Variants in CEP350 observed in about 807,000 individuals in gnomAD.
CEP350 encodes the protein centrosomal protein 350, also known as centrosome-associated protein 350.
CEP350 carries 126 observed loss-of-function variants against 331.8 expected under a neutral mutation model. The ratio of observed to expected loss-of-function variants is 0.38; its 90% CI spans 0.33 to 0.44. CEP350 has a LOEUF of 0.44. Ranked by LOEUF, CEP350 falls within the 20% of genes least tolerant of loss-of-function variation. The pLI is 1.00. For synonymous variants in CEP350, 1,200 were observed against 1,259.5 expected, an observed-to-expected ratio of 0.95 and a Z score of 1.00; for missense variants, 3,406 against 3,634.6, an observed-to-expected ratio of 0.94 and a Z score of 1.62.
At chr1:180,043,001 T>A in intron 19 of CEP350, 55 bp from the exon 20 acceptor site, 3 of 1,558,870 alleles carry the variant, frequency 1.9e-6, no homozygotes, top group Middle Eastern at 1.7e-4. Flanking sequence ...TCCTTCTCAG[T>A]TCTCTGACCT....
intron 25 of CEP350, among the ~76,000 whole-genome samples, chr1:180,056,725 G>A (rs1657873525): frequency 6.6e-6 from 1 of 152,020 alleles, no homozygotes; most frequent in Admixed American, 6.6e-5. Flanking sequence ...GCCTCCCAGA[G>A]TACTAGGATT....
In CEP350 at chr1:179,996,633, A is replaced by G; in HGVS notation, c.476A>G (p.Glu159Gly). The G allele has an allele frequency of 6.2e-7, 1 of 1,611,904 alleles. No individual in the cohort carries two copies. The highest frequency in any genetic ancestry group is 8.5e-7 in the Non-Finnish European group (1 of 1,178,900). ...KHVYCVDVNEEKTESGNWMIG... is the reference protein window; with the variant it reads ...KHVYCVDVNEGKTESGNWMIG... ...GTATACTGTGTAGATGTTAATGAAG[A>G]AAAGACTGAGAGCGGTAACTGGATG... The change falls in exon 6 of 38, where the codon GAA becomes GGA. Residue 159 changes from glutamate to glycine, a missense_variant. Coordinates refer to ENST00000367607, the MANE Select transcript of CEP350 (RefSeq NM_014810.5).
chr1:179,972,256 C>T (rs1050591948), intron 1 of CEP350, among the ~76,000 whole-genome samples: 1 of 151,828 alleles, frequency 6.6e-6, no homozygotes, highest in African/African-American at 2.4e-5. Flanking sequence ...GTGAGGTCGC[C>T]CAGCGAGAGA....
At chr1:180,031,007 G>A (rs1458129719) in intron 14 of CEP350, among the ~76,000 whole-genome samples, 2 of 151,606 alleles carry the variant, frequency 1.3e-5, no homozygotes, top group African/African-American at 4.8e-5. Context: ...AATTCTTTTT[G>A]GTTACTTTTT....
At chr1:180,033,158 A>T (rs923681748) in intron 15 of CEP350, among the ~76,000 whole-genome samples, 12 of 152,158 alleles carry the variant, frequency 7.9e-5, no homozygotes, top group African/African-American at 2.7e-4. Flanking sequence ...ATTCAGTGCA[A>T]GGCAACATGC....
chr1:180,063,464 A>C (rs1014578295), intron 26 of CEP350, among the ~76,000 whole-genome samples: 2 of 151,784 alleles, frequency 1.3e-5, no homozygotes, highest in Non-Finnish European at 2.9e-5. Flanking sequence ...GAGTGTTAGG[A>C]TTACAGGTGT....
In CEP350 at chr1:180,031,381, T is replaced by A. The variant is rs1656009362; in HGVS notation, c.3612T>A (p.Arg1204=). Residue 1204 remains arginine (R), a synonymous_variant, in exon 15 of 38, where the codon CGT becomes CGA. Transcript: ENST00000367607. ...NSLLDEEKAE[R]GSHQGKKSGT... is the part of the protein sequence containing the mutation. ...TTCTTGATGAGGAAAAAGCAGAACG[T>A]GGCTCCCATCAAGGAAAGAAATCTG... The A allele has an allele frequency of 8.7e-6, 14 of 1,608,742 alleles. No homozygotes were observed. The highest frequency in any genetic ancestry group is 1.2e-5 in the Non-Finnish European group (14 of 1,176,330).
At chr1:180,035,758 A>C (rs1443840833) in intron 16 of CEP350, among the ~76,000 whole-genome samples, 1 of 152,220 alleles carries the variant, frequency 6.6e-6, no homozygotes. Flanking sequence ...CTGGTCATCC[A>C]AGAGCTCTGA....
intron 8 of CEP350, among the ~76,000 whole-genome samples, chr1:180,011,372 C>T (rs931465899): frequency 6.6e-6 from 1 of 152,152 alleles, no homozygotes; most frequent in African/African-American, 2.4e-5. Context: ...GTGCCATGTA[C>T]TGTGCTAGAT....
intron 17 of CEP350, among the ~76,000 whole-genome samples, chr1:180,037,358 T>TCAAA (rs1465357049): frequency 2.6e-5 from 4 of 151,890 alleles, no homozygotes; most frequent in African/African-American, 9.7e-5. Flanking sequence ...AATCATCTAG[T>TCAAA]CAAACATTCT....
chr1:179,966,710 A>C (rs913774832), intron 1 of CEP350, among the ~76,000 whole-genome samples: 3 of 152,222 alleles, frequency 2.0e-5, no homozygotes, highest in Admixed American at 1.3e-4. Flanking sequence ...AACTAGATCC[A>C]AGACAGTTAG....
rs1650063734 is a variant in CEP350, at chr1:179,955,076, C to G, written c.-80C>G. 1 of 1,452,176 alleles carries G rather than the reference C, an allele frequency of 6.9e-7. No homozygotes were observed. The highest frequency in any genetic ancestry group is 2.4e-5 in the Admixed American group (1 of 41,494). The allele number at this position is 1,452,176 out of a possible 1,614,324, so 90.0% of individuals were successfully genotyped here. ...GCCCTGGGGCCGGTCGGGGCGGCGT[C>G]ACTGCACCCTCCGCCAGGCTCCGCG... is the stretch of plus-strand genomic sequence containing the variant. On this transcript the variant is annotated 5_prime_UTR_variant, in exon 1 of 38. Transcript: ENST00000367607.
intron 25 of CEP350, among the ~76,000 whole-genome samples, chr1:180,060,632 G>A (rs1287078448): frequency 1.3e-5 from 2 of 152,126 alleles, no homozygotes; most frequent in African/African-American, 4.8e-5. Flanking sequence ...GGGCAACAGA[G>A]CAAGACCTTG....
chr1:180,041,027 A>T, intron 17 of CEP350, 111 bp from the exon 18 acceptor site: 1 of 750,548 alleles, frequency 1.3e-6, no homozygotes, highest in Non-Finnish European at 2.2e-6. Context: ...TTTTGGTTCT[A>T]ATTAGTTGCT....
Position 180,041,784 on chromosome 1 carries a change from A to G in CEP350, c.4344A>G (p.Ala1448=), listed in dbSNP as rs761465322. 5.6e-6 allele frequency: 9 copies of G among 1,612,462 alleles called. No individual in the cohort carries two copies. The highest frequency in any genetic ancestry group is 1.7e-5 in the Admixed American group (1 of 59,726). ...AAACTGCTCGCCTCACCACAGACGCAGCACGTCAAATCTGTGAGGTAGGTG... is the reference window on the plus strand; with the variant it reads ...AAACTGCTCGCCTCACCACAGACGCGGCACGTCAAATCTGTGAGGTAGGTG... ...QSETARLTTD[A]ARQICEMAEL... The change falls in exon 19 of 38, where the codon GCA becomes GCG. Residue 1448 remains alanine, a synonymous_variant. Coordinates refer to ENST00000367607, the MANE Select transcript of CEP350 (RefSeq NM_014810.5).
chr1:180,003,214 G>A lies in CEP350; in HGVS notation c.1059G>A (p.Gly353=), dbSNP rs189040710. The change falls in exon 7 of 38, where the codon GGG becomes GGA. Residue 353 remains glycine, a synonymous_variant. Transcript: ENST00000367607. ...PSETKIRTPD[G]KVWQEAEFQN... ...AGACCAAGATTCGAACACCTGATGGGAAAGTGTGGCAGGAGGCTGAGTTTC... is the reference window on the plus strand; with the variant it reads ...AGACCAAGATTCGAACACCTGATGGAAAAGTGTGGCAGGAGGCTGAGTTTC... 10 of 1,613,464 alleles carry A rather than the reference G, an allele frequency of 6.2e-6. No individual in the cohort carries two copies. In the Admixed American group the frequency reaches 1.7e-4, roughly 27 times the overall value.
chr1:180,098,751 AT>A (rs1660633976), intron 36 of CEP350, 111 bp from the exon 37 acceptor site: 1 of 871,804 alleles, frequency 1.1e-6, no homozygotes, highest in Non-Finnish European at 1.7e-6. Flanking sequence ...TTGTATGATA[AT>A]TTTATTGTAA....
rs534515098 is a variant in CEP350, at chr1:180,042,765, A to T, written c.4363-291A>T. The stretch of plus-strand genomic sequence containing the variant: ...AAATTGATTCTTGAAGGAAGATTTA[A>T]TTTTTGGCTTATTACTGCTTATGTT... On this transcript the variant is annotated intron_variant, in intron 19 of 37. Coordinates refer to ENST00000367607, the MANE Select transcript of CEP350 (RefSeq NM_014810.5). Among the ~76,000 whole-genome samples the T allele has an allele frequency of 3.9e-5, 6 of 152,312 alleles. 1 individual carries two copies. The South Asian group carries it at 1.2e-3, about 32-fold the overall frequency.
At chr1:179,974,991 TAAAAAAGAAA>T (rs1651753725) in intron 1 of CEP350, among the ~76,000 whole-genome samples, 1 of 150,198 alleles carries the variant, frequency 6.7e-6, no homozygotes, top group East Asian at 1.9e-4. Flanking sequence ...ACCGTGTCTC[TAAAAAAGAAA>T]AAAAAAGAAA....
Sources: gnomAD v4.1 joint callset for allele counts (sites outside exome capture counted in the v4.1 genomes callset) on GRCh38, gnomAD v4.1.1 for gene constraint, MANE v1.5 for transcripts, NCBI Gene and HGNC (gene_info 2026-07-23, HGNC 2026-07-21) for gene names.